ZFAND5: variants seen among roughly 807,000 people sequenced by gnomAD.
ZFAND5 encodes zinc finger AN1-type containing 5, also known as AN1-type zinc finger protein 5.
ZFAND5 carries 4 observed loss-of-function variants against 23.6 expected under a neutral mutation model. That is an observed-to-expected ratio of 0.17 (90% confidence interval 0.08 to 0.39). The LOEUF (loss-of-function observed/expected upper bound fraction) is 0.39, where lower values mean the gene tolerates loss of function less well. ZFAND5 is among the 10% of genes least tolerant of loss of function. ZFAND5 has a pLI of 1.00. For missense variants in ZFAND5, 161 were observed against 253.7 expected (o/e 0.63, Z 2.48); for synonymous variants, 68 against 80.6 (o/e 0.84, Z 0.84).
intron 6 of ZFAND5, among the ~76,000 whole-genome samples, chr9:72,356,534 T>C (rs1216347318): frequency 6.6e-6 from 1 of 152,158 alleles, no homozygotes; most frequent in African/African-American, 2.4e-5. Context: ...AGTCCTACCA[T>C]ATCTTAAGTA....
intron 2 of ZFAND5, among the ~76,000 whole-genome samples, chr9:72,361,399 T>C (rs1010813050): frequency 6.6e-6 from 1 of 152,220 alleles, no homozygotes; most frequent in African/African-American, 2.4e-5. Flanking sequence ...TCTAAGAATT[T>C]AGGGTCAGCT....
intron 5 of ZFAND5, among the ~76,000 whole-genome samples, 157 bp downstream of exon 5, chr9:72,359,246 TTCAAGATACTCATAC>T (rs1842028758): frequency 1.8e-5 from 1 of 56,270 alleles, no homozygotes; most frequent in Non-Finnish European, 3.6e-5. Flanking sequence ...TATTTTACAC[TTCAAGATACTCATAC>T]TCAAGATACT....
chr9:72,364,391 G>C (rs1468745699), intron 1 of ZFAND5: 2 of 1,181,820 alleles, frequency 1.7e-6, no homozygotes, highest in Admixed American at 4.2e-5. Context: ...CCCACGCCGG[G>C]CGCCGCCGCG....
intron 2 of ZFAND5, among the ~76,000 whole-genome samples, 174 bp from the exon 3 acceptor site, chr9:72,360,961 C>T (rs946047849): frequency 6.6e-6 from 1 of 151,712 alleles, no homozygotes; most frequent in African/African-American, 2.4e-5. Flanking sequence ...TTTATAAAAG[C>T]AAACTGTTTT....
intron 2 of ZFAND5, among the ~76,000 whole-genome samples, chr9:72,362,851 C>A (rs939020118): frequency 2.6e-5 from 4 of 152,172 alleles, no homozygotes; most frequent in Non-Finnish European, 5.9e-5. Context: ...ATGTGACAAG[C>A]TGAGCTGGAT....
chr9:72,359,548 T>C, intron 4 of ZFAND5, 27 bp from the exon 5 acceptor site: 3 of 1,603,770 alleles, frequency 1.9e-6, no homozygotes, highest in Non-Finnish European at 2.6e-6. Flanking sequence ...AAACAATTTT[T>C]AAAGGTGTTA....
In ZFAND5 at chr9:72,352,976, C is replaced by CT. The variant is rs1841816711; in HGVS notation, c.*2976dup. 1 of 152,242 alleles carries CT rather than the reference C, an allele frequency of 6.6e-6. No individual in the cohort carries two copies. Among genetic ancestry groups the CT allele is most frequent in the Non-Finnish European group, 1.5e-5 (1 of 68,052 alleles). The allele number at this position is 152,242 out of a possible 1,614,324, so 9.4% of individuals were successfully genotyped here. A position where few individuals can be genotyped will look rare whatever the true frequency, so the allele number is the denominator to read the frequency against. On this transcript the variant is annotated 3_prime_UTR_variant, in exon 7 of 7. Coordinates refer to ENST00000376962, the MANE Select transcript of ZFAND5 (RefSeq NM_001102420.3). ...CTCAGAAACAGCTTTCCCTCACAAACTAATTTTCCCCACGTTGTGGGAAGC... is the reference window on the plus strand; with the variant it reads ...CTCAGAAACAGCTTTCCCTCACAAACTTAATTTTCCCCACGTTGTGGGAAGC...
At chr9:72,358,786 C>T (rs1842013668) in intron 5 of ZFAND5, among the ~76,000 whole-genome samples, 1 of 152,056 alleles carries the variant, frequency 6.6e-6, no homozygotes, top group Non-Finnish European at 1.5e-5. Flanking sequence ...CAAAAAAGAA[C>T]AAATTGATAA....
Position 72,363,554 on chromosome 9 carries a change from T to C in ZFAND5, c.-94A>G. On this transcript the variant is annotated 5_prime_UTR_variant, in exon 2 of 7. Transcript: ENST00000376962. The stretch of plus-strand genomic sequence containing the variant: ...AAGTCCTTACTTTCCAGATTTCAGT[T>C]CCCTCTTTGCCAAATGGAGTAGAAT... 1 of 896,956 alleles carries C rather than the reference T, an allele frequency of 1.1e-6. No homozygotes were observed. The highest frequency in any genetic ancestry group is 1.3e-6 in the Non-Finnish European group (1 of 749,092). The allele number at this position is 896,956 out of a possible 1,614,324, so 55.6% of individuals were successfully genotyped here.
Position 72,360,643 on chromosome 9 carries a change from T to C in ZFAND5, c.136A>G (p.Arg46Gly), listed in dbSNP as rs767927877. 7 of 1,613,882 alleles carry C rather than the reference T, an allele frequency of 4.3e-6. No homozygotes were observed. In the Admixed American group the frequency reaches 1.2e-4, roughly 27 times the overall value. Residue 46 changes from arginine (R) to glycine (G), a missense_variant, in exon 3 of 7, where the codon AGA (arginine) becomes GGA (glycine). By Grantham distance (125) the Arg-to-Gly change is moderately radical (BLOSUM62 -2). This residue lies in a region of ZFAND5 where 21 missense variants were observed against 58.5 expected (regional missense o/e 0.36). Coordinates refer to ENST00000376962, the MANE Select transcript of ZFAND5 (RefSeq NM_001102420.3). ...EHLQRQQNSG[R>G]MSPMGTASGS... Reference sequence around the variant, plus strand: ...AATAACTTACCCATTGGGCTCATTCTGCCACTATTTTGCTGCCTCTGAAGA... The same window carrying C: ...AATAACTTACCCATTGGGCTCATTCCGCCACTATTTTGCTGCCTCTGAAGA...
intron 1 of ZFAND5, 102 bp downstream of exon 1, chr9:72,364,594 C>A (rs1311050141): frequency 2.5e-5 from 31 of 1,237,070 alleles, no homozygotes; most frequent in Non-Finnish European, 3.1e-5. Flanking sequence ...CCGCGGCCTG[C>A]TCCGGCTTCG....
rs1459995312 is a variant in ZFAND5 at position 72,353,947 on chromosome 9, T to TC, written c.*2005dup. 2.0e-5 allele frequency: 3 copies of TC among 151,460 alleles called. No individual in the cohort carries two copies. Among genetic ancestry groups the TC allele is most frequent in the Non-Finnish European group, 4.4e-5 (3 of 67,720 alleles). 9.4% of individuals were successfully genotyped at this position (151,460 alleles called of 1,614,324 possible). On this transcript the variant is annotated 3_prime_UTR_variant, in exon 7 of 7. Transcript: ENST00000376962. ...AAACTAGGGTATTTCCACCCCAAAC[T>TC]CCATCACAGAGAAGCAACAGTTGCA...
rs140283347 is a variant in ZFAND5 at position 72,363,579 on chromosome 9, T to G, written c.-119A>C. 6 of 960,170 alleles carry G rather than the reference T, an allele frequency of 6.2e-6. No homozygotes were observed. The African/African-American group carries it at 8.8e-5, about 14-fold the overall frequency. The allele number at this position is 960,170 out of a possible 1,614,324, so 59.5% of individuals were successfully genotyped here. On this transcript the variant is annotated 5_prime_UTR_variant, in exon 2 of 7. Transcript: ENST00000376962. Reference sequence around the variant, plus strand: ...TCCCTCTTTGCCAAATGGAGTAGAATTGACTTTTAAAGGCTCCTTTTCAGG... The same window carrying G: ...TCCCTCTTTGCCAAATGGAGTAGAAGTGACTTTTAAAGGCTCCTTTTCAGG...
intron 4 of ZFAND5, 89 bp downstream of exon 4, chr9:72,360,021 G>A (rs1490047100): frequency 2.7e-6 from 3 of 1,093,352 alleles, no homozygotes; most frequent in Non-Finnish European, 2.6e-6. Flanking sequence ...GCAAAGCCAA[G>A]GGTATCTATT....
intron 2 of ZFAND5, among the ~76,000 whole-genome samples, 155 bp from the exon 3 acceptor site, chr9:72,360,942 T>G (rs1219840315): frequency 6.6e-6 from 1 of 152,202 alleles, no homozygotes; most frequent in Non-Finnish European, 1.5e-5. Context: ...TTATCAATAT[T>G]TTGTTGCCTT....
chr9:72,365,113 C>T lies in ZFAND5; in HGVS notation c.-564G>A, dbSNP rs1842228782. On this transcript the variant is annotated 5_prime_UTR_variant, in exon 1 of 7. Coordinates refer to ENST00000376962, the MANE Select transcript of ZFAND5 (RefSeq NM_001102420.3). Reference sequence around the variant, plus strand: ...GTAAGGGCCCGCTGATGGCGCTCTTCGCCGCTCCTGCCACCGCCGGGGAAG... The same window carrying T: ...GTAAGGGCCCGCTGATGGCGCTCTTTGCCGCTCCTGCCACCGCCGGGGAAG... The T allele has an allele frequency of 6.6e-6, 1 of 152,338 alleles. No individual in the cohort carries two copies. Among genetic ancestry groups the T allele is most frequent in the Admixed American group, 6.5e-5 (1 of 15,306 alleles). 9.4% of individuals were successfully genotyped at this position (152,338 alleles called of 1,614,324 possible). A position where few individuals can be genotyped will look rare whatever the true frequency, so the allele number is the denominator to read the frequency against.
intron 1 of ZFAND5, chr9:72,364,251 G>A (rs1204594455): frequency 5.2e-6 from 2 of 385,640 alleles, no homozygotes; most frequent in Non-Finnish European, 4.2e-6. Context: ...TCGCCTGCAG[G>A]CCCCACGCGG....
intron 2 of ZFAND5, among the ~76,000 whole-genome samples, chr9:72,361,690 AG>A (rs1842107514): frequency 6.6e-6 from 1 of 152,256 alleles, no homozygotes; most frequent in African/African-American, 2.4e-5. Flanking sequence ...TTTGTTTCCA[AG>A]GAAGATTTGC....
rs1047892920 is a variant in ZFAND5 at position 72,355,191 on chromosome 9, C to T, written c.*762G>A. On this transcript the variant is annotated 3_prime_UTR_variant, in exon 7 of 7. Transcript: ENST00000376962. ...ACCAAACGTAGAGTTTAAATTTCTT[C>T]TTGTAAACAAATTAATCCTAGTGCA... 6.6e-6 allele frequency: 1 copy of T among 152,604 alleles called. No individual in the cohort carries two copies. The highest frequency in any genetic ancestry group is 2.4e-5 in the African/African-American group (1 of 41,454). The allele number at this position is 152,604 out of a possible 1,614,324, so 9.5% of individuals were successfully genotyped here.
Sources: allele counts gnomAD v4.1 joint callset (sites outside exome capture counted in the v4.1 genomes callset), GRCh38; gene constraint gnomAD v4.1.1; regional missense constraint gnomAD v4.1.1; transcripts MANE v1.5; gene names NCBI Gene and HGNC (gene_info 2026-07-23, HGNC 2026-07-21).